The following VPS13B variants were observed in gnomAD, a reference collection of about 807,000 sequenced individuals.
The protein encoded by VPS13B is intermembrane lipid transfer protein VPS13B.
Under a neutral mutation model 426.4 loss-of-function variants are expected in VPS13B, and 285 were observed. That is an observed-to-expected ratio of 0.67 (90% CI 0.61 to 0.74). The LOEUF (loss-of-function observed/expected upper bound fraction) is 0.74, where lower values mean the gene tolerates loss of function less well. VPS13B is among the 30% of genes least tolerant of loss of function. The probability of loss-of-function intolerance (pLI) is 0.00; values close to 1 mark genes in which losing one functional copy is unlikely to be tolerated. For synonymous variants in VPS13B, 1,676 were observed against 1,676.4 expected (o/e 1.00, Z 0.01); for missense variants, 4,537 against 4,782.6 (o/e 0.95, Z 1.51).
intron 19 of VPS13B, among the ~76,000 whole-genome samples, chr8:99,345,512 A>AT (rs1187651260): frequency 1.3e-5 from 2 of 152,046 alleles, no homozygotes; most frequent in Non-Finnish European, 2.9e-5. Context: ...ATTGTTATAT[A>AT]TTTTTTCTTT....
At chr8:99,668,875 G>A (rs191591639) in intron 35 of VPS13B, among the ~76,000 whole-genome samples, 9 of 152,160 alleles carry the variant, frequency 5.9e-5, no homozygotes, top group East Asian at 5.8e-4. Context: ...TAAACCCTGC[G>A]GAACAGTCCA....
intron 35 of VPS13B, among the ~76,000 whole-genome samples, chr8:99,676,671 A>C (rs1464751885): frequency 6.6e-6 from 1 of 151,502 alleles, no homozygotes; most frequent in Non-Finnish European, 1.5e-5. Context: ...CGCTCACCTC[A>C]TTTCTTTAGC....
chr8:99,746,186 T>C (rs1408483652), intron 39 of VPS13B, among the ~76,000 whole-genome samples: 3 of 152,090 alleles, frequency 2.0e-5, no homozygotes, highest in Admixed American at 6.6e-5. Flanking sequence ...TGTAATCTAG[T>C]CATCTTATAG....
chr8:99,090,457 A>G (rs1201237616), intron 3 of VPS13B, among the ~76,000 whole-genome samples: 3 of 152,012 alleles, frequency 2.0e-5, no homozygotes, highest in African/African-American at 7.2e-5. Flanking sequence ...TTTAGAAGGG[A>G]CAGGGTTACA....
chr8:99,144,699 A>G (rs1810611893), intron 13 of VPS13B, among the ~76,000 whole-genome samples: 1 of 152,116 alleles, frequency 6.6e-6, no homozygotes, highest in Non-Finnish European at 1.5e-5. Flanking sequence ...ATTATACCTT[A>G]CTTGAATGCC....
chr8:99,799,504 T>G (rs1251710930), intron 43 of VPS13B, among the ~76,000 whole-genome samples: 1 of 152,198 alleles, frequency 6.6e-6, no homozygotes, highest in Non-Finnish European at 1.5e-5. Flanking sequence ...ATGAAATACT[T>G]TATTTAACCT....
intron 56 of VPS13B, 150 bp downstream of exon 56, chr8:99,854,406 C>A: frequency 2.1e-6 from 2 of 946,422 alleles, no homozygotes; most frequent in East Asian, 2.6e-5. Flanking sequence ...GGATCTAAAT[C>A]TAGAGCCTGC....
intron 35 of VPS13B, among the ~76,000 whole-genome samples, chr8:99,693,224 C>A (rs1219915982): frequency 6.6e-6 from 1 of 151,094 alleles, no homozygotes; most frequent in Non-Finnish European, 1.5e-5. Context: ...ATACCAAAGC[C>A]GGGCAGAGAC....
intron 14 of VPS13B, among the ~76,000 whole-genome samples, chr8:99,153,788 T>C (rs2132616420): frequency 6.6e-6 from 1 of 152,256 alleles, no homozygotes; most frequent in Non-Finnish European, 1.5e-5. Flanking sequence ...TGATGCTGTT[T>C]TTTTTTATGT....
intron 17 of VPS13B, among the ~76,000 whole-genome samples, chr8:99,221,286 T>A (rs1005308513): frequency 4.0e-5 from 6 of 151,038 alleles, no homozygotes; most frequent in African/African-American, 1.5e-4. Context: ...TGATTTATAC[T>A]CATTTGGGTA....
intron 43 of VPS13B, chr8:99,796,989 C>G (rs968123030): frequency 6.6e-6 from 1 of 152,216 alleles, no homozygotes; most frequent in Admixed American, 6.5e-5. Context: ...CAGATCCAAA[C>G]AGTAAGGAAC....
intron 19 of VPS13B, among the ~76,000 whole-genome samples, chr8:99,383,076 G>T (rs1563699439): frequency 6.6e-6 from 1 of 152,146 alleles, no homozygotes; most frequent in South Asian, 2.1e-4. Context: ...ATTTACAGAT[G>T]TATATAACCC....
intron 25 of VPS13B, among the ~76,000 whole-genome samples, chr8:99,485,317 T>C (rs527922556): frequency 3.0e-4 from 45 of 152,314 alleles, no homozygotes; most frequent in African/African-American, 1.1e-3. Context: ...ATAAAATTAT[T>C]TCAGTGTAAC....
At chr8:99,453,859 A>ATT (rs1818322551) in intron 23 of VPS13B, among the ~76,000 whole-genome samples, 1 of 152,198 alleles carries the variant, frequency 6.6e-6, no homozygotes, top group Admixed American at 6.5e-5. Flanking sequence ...ATGAACCTAC[A>ATT]GGGATACGTA....
chr8:99,388,511 TAGAAC>T (rs1429803327), intron 20 of VPS13B, among the ~76,000 whole-genome samples: 1 of 152,124 alleles, frequency 6.6e-6, no homozygotes, highest in Non-Finnish European at 1.5e-5. Flanking sequence ...GGGTTAAAGA[TAGAAC>T]AGATCTGAGA....
intron 33 of VPS13B, among the ~76,000 whole-genome samples, chr8:99,629,994 C>G (rs1221258833): frequency 6.6e-6 from 1 of 152,114 alleles, no homozygotes; most frequent in Non-Finnish European, 1.5e-5. Flanking sequence ...TTGTGCATAG[C>G]GGTGTTTCTG....
chr8:99,507,992 A>T, intron 28 of VPS13B: 1 of 1,594,828 alleles, frequency 6.3e-7, no homozygotes, highest in Non-Finnish European at 8.6e-7. Flanking sequence ...CATAGAGTCA[A>T]CTCTTGATTT....
chr8:99,102,054 A>G (rs1364573220), intron 4 of VPS13B, among the ~76,000 whole-genome samples: 1 of 152,138 alleles, frequency 6.6e-6, no homozygotes, highest in Non-Finnish European at 1.5e-5. Context: ...AAATTACTCA[A>G]TAATGTATCC....
intron 51 of VPS13B, among the ~76,000 whole-genome samples, chr8:99,824,612 A>G (rs1467484815): frequency 7.1e-6 from 1 of 141,132 alleles, no homozygotes; most frequent in Admixed American, 7.0e-5. Context: ...TTTTTTAATT[A>G]TACTTTTAAG....
Sources: allele counts gnomAD v4.1 joint callset (sites outside exome capture counted in the v4.1 genomes callset), GRCh38; gene constraint gnomAD v4.1.1; transcripts MANE v1.5; gene names NCBI Gene and HGNC (gene_info 2026-07-23, HGNC 2026-07-21).